OSMR: variants seen among roughly 807,000 people sequenced by gnomAD.
The protein encoded by OSMR is oncostatin M receptor.
In OSMR, 81 loss-of-function variants were observed where a neutral mutation model predicts 99.9. The observed-to-expected ratio is 0.81, with a 90% CI of 0.68 to 0.97. OSMR has a LOEUF of 0.97. Among genes scored for constraint, OSMR ranks in the 50% least tolerant of loss-of-function variants. The pLI is 0.00. For synonymous variants in OSMR, 406 were observed against 410.4 expected (o/e 0.99, Z 0.13); for missense variants, 1,099 against 1,153.4 (o/e 0.95, Z 0.68).
chr5:38,920,933 A>C (rs1246804278), intron 11 of OSMR, among the ~76,000 whole-genome samples: 1 of 152,202 alleles, frequency 6.6e-6, no homozygotes, highest in Non-Finnish European at 1.5e-5. Flanking sequence ...AACTGTGTGC[A>C]TATCTTTATA....
chr5:38,940,129 G>C, downstream of OSMR: 1 of 134,552 alleles, frequency 7.4e-6, no homozygotes, highest in Non-Finnish European at 1.3e-5. Context: ...CAAAGTAACA[G>C]TAAAAAAAAA....
chr5:38,855,070 G>T (rs552963950), intron 1 of OSMR, among the ~76,000 whole-genome samples: 1 of 152,266 alleles, frequency 6.6e-6, no homozygotes, highest in South Asian at 2.1e-4. Flanking sequence ...GAGCAGCAGT[G>T]AGACTGTGTC....
rs771864692 is a variant in OSMR at position 38,933,042 on chromosome 5, T to A, written c.2538T>A (p.Asn846Lys). The A allele has an allele frequency of 1.4e-5, 23 of 1,614,046 alleles. No individual in the cohort carries two copies. In the East Asian group the frequency reaches 4.7e-4, roughly 33 times the overall value. The change falls in exon 18 of 18, where the codon AAT becomes AAA. Residue 846 changes from asparagine (N) to lysine (K), a missense_variant. Physicochemically the swap from Asn to Lys is moderately conservative, Grantham distance 94. Transcript: ENST00000274276. ...TTTATCTCCTTCCAACAGAAAAGAATCACTCTGGCCCTGGCCCCTGCATCT... is the reference window on the plus strand; with the variant it reads ...TTTATCTCCTTCCAACAGAAAAGAAACACTCTGGCCCTGGCCCCTGCATCT... The part of the protein sequence containing the change: ...NYLYLLPTEK[N>K]HSGPGPCICF...
intron 2 of OSMR, among the ~76,000 whole-genome samples, chr5:38,875,278 T>G (rs1742723943): frequency 6.6e-6 from 1 of 152,224 alleles, no homozygotes; most frequent in Non-Finnish European, 1.5e-5. Context: ...TATTTTACAA[T>G]CTATATGGTG....
intron 7 of OSMR, among the ~76,000 whole-genome samples, chr5:38,888,561 A>T (rs1255302132): frequency 6.6e-6 from 1 of 152,204 alleles, no homozygotes. Flanking sequence ...GCACTTAAAA[A>T]TTTCCTGAAA....
Position 38,944,361 on chromosome 5 carries a change from C to A in OSMR, c.*86+42C>A. The A allele has an allele frequency of 2.2e-6, 3 of 1,368,716 alleles. No individual in the cohort carries two copies. In the South Asian group the frequency reaches 3.7e-5, roughly 17 times the overall value. The allele number at this position is 1,368,716 out of a possible 1,614,324, so 84.8% of individuals were successfully genotyped here. A position where few individuals can be genotyped will look rare whatever the true frequency, so the allele number is the denominator to read the frequency against. ...AGAACTACTGATGTAAGTTAACTAG[C>A]CTAACTTTTGAAGTATTTCAAGTAT... is the stretch of plus-strand genomic sequence containing the variant. On this transcript the variant is annotated intron_variant and NMD_transcript_variant, in intron 2 of 2. Coordinates refer to the OSMR transcript ENST00000508882.
intron 1 of OSMR, among the ~76,000 whole-genome samples, chr5:38,856,338 T>C (rs1740837845): frequency 6.6e-6 from 1 of 152,212 alleles, no homozygotes; most frequent in Non-Finnish European, 1.5e-5. Context: ...ATATACTTTA[T>C]TGATTTTAGC....
At chr5:38,942,419 A>G in intron 1 of OSMR, 1 of 1,213,426 alleles carries the variant, frequency 8.2e-7, no homozygotes. Context: ...TTTTATAAAA[A>G]CAGATGATAT....
At chr5:38,868,160 T>C (rs1742089691) in intron 1 of OSMR, among the ~76,000 whole-genome samples, 1 of 152,220 alleles carries the variant, frequency 6.6e-6, no homozygotes, top group African/African-American at 2.4e-5. Flanking sequence ...TTGCTTGGTC[T>C]GAATGAATTG....
intron 2 of OSMR, among the ~76,000 whole-genome samples, chr5:38,870,445 C>T (rs1426435050): frequency 1.3e-5 from 2 of 150,820 alleles, no homozygotes; most frequent in Non-Finnish European, 2.9e-5. Context: ...AATTCTTCTG[C>T]CTCAGCCTCC....
intron 1 of OSMR, among the ~76,000 whole-genome samples, chr5:38,849,680 C>G (rs573376089): frequency 4.1e-4 from 62 of 152,200 alleles, no homozygotes; most frequent in Non-Finnish European, 6.8e-4. Context: ...ATTTTTAATG[C>G]TTTAATGTCC....
chr5:38,943,116 T>C lies in OSMR; in HGVS notation c.75-1085T>C, dbSNP rs1229205970. 9.9e-6 allele frequency: 5 copies of C among 506,886 alleles called. No homozygotes were observed. The East Asian group carries it at 1.2e-4, about 12-fold the overall frequency. The allele number at this position is 506,886 out of a possible 1,614,324, so 31.4% of individuals were successfully genotyped here. ...GGGGTGATGACTTGAGAATATAAAA[T>C]ATTAAATATTCCTGTCACACACTTA... is the stretch of plus-strand genomic sequence containing the variant. On this transcript the variant is annotated intron_variant and NMD_transcript_variant, in intron 1 of 2. Coordinates refer to the OSMR transcript ENST00000508882.
rs528979345 is a variant in OSMR, at chr5:38,913,549, C to CAA, written c.1286-3981_1286-3980dup. Among the ~76,000 whole-genome samples the CAA allele has an allele frequency of 6.5e-5, 8 of 123,662 alleles. No individual in the cohort carries two copies. In the South Asian group the frequency reaches 2.0e-3, roughly 32 times the overall value. 81.1% of individuals were successfully genotyped at this position (123,662 alleles called of 152,430 possible). ...TGGACGACAGAGTGAGACTCCATCT[C>CAA]AAAAAAAAAAAAAAAAATGGGTGAA... On this transcript the variant is annotated intron_variant, in intron 9 of 17. Transcript: ENST00000274276.
chr5:38,885,227 C>A, intron 5 of OSMR, 122 bp from the exon 6 acceptor site: 1 of 1,538,398 alleles, frequency 6.5e-7, no homozygotes. Flanking sequence ...TAGCCTTCCA[C>A]CTCAGTGACC....
At chr5:38,876,178 A>G (rs1287617158) in intron 2 of OSMR, 23 bp from the exon 3 acceptor site, 2 of 1,600,638 alleles carry the variant, frequency 1.2e-6, no homozygotes, top group Non-Finnish European at 1.7e-6. Context: ...ATATTATTTC[A>G]TACTTCATTT....
At chr5:38,847,943 T>C (rs1282820753) in intron 1 of OSMR, among the ~76,000 whole-genome samples, 2 of 152,222 alleles carry the variant, frequency 1.3e-5, no homozygotes, top group Non-Finnish European at 2.9e-5. Flanking sequence ...TTTCCCCCTC[T>C]ACCCTTTTCT....
chr5:38,874,814 T>C (rs905721754), intron 2 of OSMR, among the ~76,000 whole-genome samples: 1 of 152,220 alleles, frequency 6.6e-6, no homozygotes, highest in Non-Finnish European at 1.5e-5. Context: ...CTGATTGAGC[T>C]TGAGTTTCCT....
intron 9 of OSMR, among the ~76,000 whole-genome samples, chr5:38,908,125 G>A (rs1363655546): frequency 2.0e-5 from 3 of 152,110 alleles, no homozygotes; most frequent in African/African-American, 7.2e-5. Flanking sequence ...TGTGGCTGCT[G>A]CAAACCAGCA....
At chr5:38,902,995 C>A (rs1238322194) in intron 7 of OSMR, among the ~76,000 whole-genome samples, 1 of 152,164 alleles carries the variant, frequency 6.6e-6, no homozygotes, top group African/African-American at 2.4e-5. Context: ...GCTTCTTCCC[C>A]ATAAAACATC....
Sources: gnomAD v4.1 joint callset for allele counts (sites outside exome capture counted in the v4.1 genomes callset) on GRCh38, gnomAD v4.1.1 for gene constraint, MANE v1.5 for transcripts, NCBI Gene and HGNC (gene_info 2026-07-23, HGNC 2026-07-21) for gene names.